Variants in MGRN1 observed in about 807,000 individuals in gnomAD.
The protein encoded by MGRN1 is E3 ubiquitin-protein ligase MGRN1.
MGRN1 carries 29 observed loss-of-function variants against 69.2 expected under a neutral mutation model. The ratio of observed to expected loss-of-function variants is 0.42; its 90% CI spans 0.31 to 0.57. The LOEUF is 0.57. Ranked by LOEUF, MGRN1 falls within the 20% of genes least tolerant of loss-of-function variation. The probability of loss-of-function intolerance (pLI) is 0.15; values close to 1 mark genes in which losing one functional copy is unlikely to be tolerated. For missense variants in MGRN1, 998 were observed against 796.2 expected, an observed-to-expected ratio of 1.25 and a Z score of -3.05; for synonymous variants, 470 against 344.2, an observed-to-expected ratio of 1.37 and a Z score of -4.04.
At chr16:4,669,999 C>G (rs1049439049) in intron 8 of MGRN1, among the ~76,000 whole-genome samples, 2 of 151,908 alleles carry the variant, frequency 1.3e-5, no homozygotes, top group Admixed American at 6.6e-5. Context: ...CTGTTTCAAG[C>G]CACCACTTGG....
chr16:4,650,527 G>T lies in MGRN1; in HGVS notation c.207+44G>T, dbSNP rs760225676. ...GTCTCATGGGGCTGTGGGGGTGGGA[G>T]GCCCCTGTCCCCAGCAGTCCGCATC... On this transcript the variant is annotated intron_variant, in intron 2 of 16. Coordinates refer to ENST00000262370, the MANE Select transcript of MGRN1 (RefSeq NM_015246.4). The T allele has an allele frequency of 6.8e-6, 10 of 1,475,392 alleles. No individual in the cohort carries two copies. In the South Asian group the frequency reaches 1.1e-4, roughly 16 times the overall value. The allele number at this position is 1,475,392 out of a possible 1,614,324, so 91.4% of individuals were successfully genotyped here. A position where few individuals can be genotyped will look rare whatever the true frequency, so the allele number is the denominator to read the frequency against.
At position 4,682,901 on chromosome 16, in the gene MGRN1, A is replaced by G; in HGVS notation, c.1437A>G (p.Pro479=). 6.2e-7 allele frequency: 1 copy of G among 1,608,360 alleles called. No homozygotes were observed. Among genetic ancestry groups the G allele is most frequent in the South Asian group, 1.1e-5 (1 of 90,658 alleles). Residue 479 remains proline, a synonymous_variant, in exon 14 of 17, where the codon CCA becomes CCG. Coordinates refer to ENST00000262370, the MANE Select transcript of MGRN1 (RefSeq NM_015246.4). The part of the protein sequence containing the change: ...KLSEDVDAPP[P]LGGAELALRE... ...CCGAGGACGTGGACGCCCCTCCCCC[A>G]CTGGGTGGCGCAGAGCTGGCCCTGC...
chr16:4,642,599 C>T (rs1567179936), intron 1 of MGRN1, among the ~76,000 whole-genome samples: 1 of 151,806 alleles, frequency 6.6e-6, no homozygotes, highest in African/African-American at 2.4e-5. Context: ...GCTGGGATTA[C>T]AGGCGTGAGC....
intron 8 of MGRN1, 95 bp downstream of exon 8, chr16:4,668,407 ACACG>A (rs1567216083): frequency 3.8e-6 from 5 of 1,316,020 alleles, no homozygotes. Flanking sequence ...ACACTCATAC[ACACG>A]CACATATACT....
At chr16:4,675,460 C>T (rs190541775) in intron 10 of MGRN1, among the ~76,000 whole-genome samples, 31 of 152,108 alleles carry the variant, frequency 2.0e-4, no homozygotes, top group African/African-American at 6.0e-4. Context: ...TTTAGCATAA[C>T]GCTGGTTGCA....
intron 1 of MGRN1, among the ~76,000 whole-genome samples, chr16:4,646,741 G>A (rs547653895): frequency 3.3e-5 from 5 of 152,242 alleles, no homozygotes; most frequent in Non-Finnish European, 5.9e-5. Context: ...GGTGAGATGC[G>A]CTGGGGGCCC....
intron 1 of MGRN1, among the ~76,000 whole-genome samples, chr16:4,626,347 G>T (rs888502878): frequency 5.9e-5 from 9 of 152,194 alleles, no homozygotes; most frequent in African/African-American, 1.9e-4. Flanking sequence ...TAGAGGTTCC[G>T]AGGGCTGATG....
Position 4,683,855 on chromosome 16 carries a change from C to G in MGRN1, c.1541C>G (p.Ala514Gly). 6.2e-7 allele frequency: 1 copy of G among 1,611,544 alleles called. No individual in the cohort carries two copies. The highest frequency in any genetic ancestry group is 8.5e-7 in the Non-Finnish European group (1 of 1,178,916). The change falls in exon 16 of 17, where the codon GCT becomes GGT. Residue 514 changes from alanine to glycine, a missense_variant. Coordinates refer to ENST00000262370, the MANE Select transcript of MGRN1 (RefSeq NM_015246.4). ...SSSPQQGTRA[A>G]SIENVLQDSS... Reference sequence around the variant, plus strand: ...CCTCTGCCTGCAGGGACCCGAGCAGCTTCCATTGAGAATGTCCTGCAGGAC... The same window carrying G: ...CCTCTGCCTGCAGGGACCCGAGCAGGTTCCATTGAGAATGTCCTGCAGGAC...
At chr16:4,674,626 C>CTTTTTTTTTTTTTTTTTTT (rs71139654) in intron 10 of MGRN1, among the ~76,000 whole-genome samples, 18 of 47,256 alleles carry the variant, frequency 3.8e-4, no homozygotes, top group South Asian at 1.1e-3. Context: ...CTTTTCTTTT[C>CTTTTTTTTTTTTTTTTTTT]TTTTTTTTTT....
At chr16:4,686,652 AG>A (rs779422981) in intron 16 of MGRN1, 156 of 1,117,384 alleles carry the variant, frequency 1.4e-4, no homozygotes, top group Non-Finnish European at 1.6e-4. Context: ...CCACTGCGGG[AG>A]GCAGGAGCTT....
chr16:4,665,637 G>A, intron 7 of MGRN1, among the ~76,000 whole-genome samples: 1 of 149,798 alleles, frequency 6.7e-6, no homozygotes, highest in East Asian at 2.0e-4. Flanking sequence ...CCAGAGTGTT[G>A]GGAGTACAGG....
chr16:4,659,009 A>C (rs1393440190), intron 5 of MGRN1: 1 of 152,102 alleles, frequency 6.6e-6, no homozygotes. Context: ...AAGTAAGACT[A>C]CCTGGGAGTG....
In MGRN1 at chr16:4,682,917, C is replaced by G; in HGVS notation, c.1453C>G (p.Leu485Val). The change falls in exon 14 of 17, where the codon CTG becomes GTG. Residue 485 changes from leucine to valine, a missense_variant. By Grantham distance (32) the Leu-to-Val change is conservative (BLOSUM62 1). Transcript: ENST00000262370. ...DAPPPLGGAE[L>V]ALRESSSPES... ...CCCTCCCCCACTGGGTGGCGCAGAG[C>G]TGGCCCTGCGGGAAAGCAGCTCCCC... is the stretch of plus-strand genomic sequence containing the variant. 6.2e-7 allele frequency: 1 copy of G among 1,602,132 alleles called. No homozygotes were observed. Among genetic ancestry groups the G allele is most frequent in the South Asian group, 1.1e-5 (1 of 90,278 alleles).
At position 4,688,841 on chromosome 16, in the gene MGRN1, G is replaced by C. The variant is rs1198962808; in HGVS notation, c.1664G>C (p.Ser555Thr). Reference sequence around the variant, plus strand: ...ACGGCCCACGGCCTCGCCACCACCAGCCCCACCTGGCCTCCACTTGGTGGC... The same window carrying C: ...ACGGCCCACGGCCTCGCCACCACCACCCCCACCTGGCCTCCACTTGGTGGC... Reference protein sequence around the residue: ...METAHGLATTSPTWPPLGGPS... With the variant: ...METAHGLATTTPTWPPLGGPS... Residue 555 changes from serine to threonine, a missense_variant, in exon 17 of 17, where the codon AGC becomes ACC. Ser to Thr is a moderately conservative substitution (Grantham distance 58). Coordinates refer to ENST00000262370, the MANE Select transcript of MGRN1 (RefSeq NM_015246.4). The C allele has an allele frequency of 6.4e-7, 1 of 1,554,396 alleles. No homozygotes were observed. The highest frequency in any genetic ancestry group is 2.4e-5 in the East Asian group (1 of 41,260).
chr16:4,648,900 C>T (rs185487625), intron 1 of MGRN1, among the ~76,000 whole-genome samples: 1 of 139,164 alleles, frequency 7.2e-6, no homozygotes, highest in Non-Finnish European at 1.6e-5. Context: ...GGTCACCCGG[C>T]TCCTCCTCTC....
intron 4 of MGRN1, 147 bp from the exon 5 acceptor site, chr16:4,657,099 G>C: frequency 1.4e-6 from 1 of 722,646 alleles, no homozygotes; most frequent in Non-Finnish European, 2.4e-6. Context: ...GGGCCACGTG[G>C]CCATGTAGGC....
chr16:4,636,787 C>G (rs955367874), intron 1 of MGRN1, among the ~76,000 whole-genome samples: 1 of 151,990 alleles, frequency 6.6e-6, no homozygotes, highest in East Asian at 1.9e-4. Flanking sequence ...TGTTTCTTGT[C>G]CTGCTGTTGA....
chr16:4,638,839 TCCTC>T (rs2078090724), intron 1 of MGRN1, among the ~76,000 whole-genome samples: 1 of 152,124 alleles, frequency 6.6e-6, no homozygotes, highest in Admixed American at 6.5e-5. Context: ...CACTCCCCCT[TCCTC>T]GGGTGGGAAC....
At chr16:4,662,564 C>T (rs908037055) in intron 5 of MGRN1, among the ~76,000 whole-genome samples, 1 of 152,070 alleles carries the variant, frequency 6.6e-6, no homozygotes, top group Non-Finnish European at 1.5e-5. Flanking sequence ...ACTGTAGCAG[C>T]CACCACAGGC....
Sources: gnomAD v4.1 joint callset for allele counts (sites outside exome capture counted in the v4.1 genomes callset) on GRCh38, gnomAD v4.1.1 for gene constraint, MANE v1.5 for transcripts, NCBI Gene and HGNC (gene_info 2026-07-23, HGNC 2026-07-21) for gene names.